COPS3: variants seen among roughly 807,000 people sequenced by gnomAD.
The protein encoded by COPS3 is COP9 signalosome subunit 3, also known as COP9 signalosome complex subunit 3.
COPS3 carries 10 observed loss-of-function variants against 58.2 expected under a neutral mutation model. The observed-to-expected ratio is 0.17, with a 90% CI of 0.11 to 0.29. The LOEUF (loss-of-function observed/expected upper bound fraction) is 0.29, where lower values mean the gene tolerates loss of function less well. COPS3 is among the 10% of genes least tolerant of loss of function. The pLI is 1.00. For synonymous variants in COPS3, 187 were observed against 181.7 expected (o/e 1.03, Z -0.24); for missense variants, 333 against 510.1 (o/e 0.65, Z 3.34).
intron 9 of COPS3, among the ~76,000 whole-genome samples, chr17:17,254,615 G>T (rs534845531): frequency 1.5e-3 from 234 of 151,772 alleles, no homozygotes; most frequent in African/African-American, 5.5e-3. Context: ...TTTGAGACCA[G>T]CCTGACCAAC....
chr17:17,265,164 C>G (rs2048192897), intron 5 of COPS3, among the ~76,000 whole-genome samples, 183 bp from the exon 6 acceptor site: 1 of 152,144 alleles, frequency 6.6e-6, no homozygotes. Flanking sequence ...CTTAGGACCA[C>G]AAGTGTTTCA....
intron 8 of COPS3, 21 bp from the exon 9 acceptor site, chr17:17,254,966 T>C (rs370124932): frequency 7.2e-6 from 11 of 1,522,848 alleles, no homozygotes; most frequent in Non-Finnish European, 9.1e-6. Flanking sequence ...GAAGCAGAAT[T>C]AGTCACAGGT....
chr17:17,253,392 A>G (rs1054963709), intron 9 of COPS3, among the ~76,000 whole-genome samples: 5 of 152,136 alleles, frequency 3.3e-5, no homozygotes, highest in Admixed American at 6.6e-5. Flanking sequence ...CAATACATCA[A>G]TGTGGTGGGT....
At chr17:17,254,759 A>T in intron 9 of COPS3, 100 bp downstream of exon 9, 1 of 698,546 alleles carries the variant, frequency 1.4e-6, no homozygotes, top group Non-Finnish European at 2.3e-6. Context: ...GCAGTGAGCC[A>T]AGACTGTGCC....
At chr17:17,280,671 A>T (rs1311777415) in intron 1 of COPS3, 8 of 1,306,088 alleles carry the variant, frequency 6.1e-6, no homozygotes, top group Middle Eastern at 3.1e-4. Flanking sequence ...GAGGCGAGCC[A>T]TAGAGCCAAG....
chr17:17,247,372 G>A, intron 11 of COPS3, 108 bp downstream of exon 11: 1 of 1,134,678 alleles, frequency 8.8e-7, no homozygotes, highest in Non-Finnish European at 1.3e-6. Flanking sequence ...TACTGGTAAG[G>A]TTTTCAAGAA....
chr17:17,274,662 A>G (rs970389323), intron 2 of COPS3, among the ~76,000 whole-genome samples: 2 of 151,598 alleles, frequency 1.3e-5, no homozygotes, highest in African/African-American at 4.8e-5. Flanking sequence ...TGAACTTGTG[A>G]TCCACCCGCC....
chr17:17,260,543 C>A, intron 7 of COPS3, 69 bp from the exon 8 acceptor site: 1 of 1,489,376 alleles, frequency 6.7e-7, no homozygotes. Flanking sequence ...GGGACTCACG[C>A]CTGTAATCTC....
intron 4 of COPS3, among the ~76,000 whole-genome samples, chr17:17,268,823 AAACAAC>A (rs144926116): frequency 8.8e-5 from 13 of 147,756 alleles, no homozygotes; most frequent in Admixed American, 2.7e-4. Context: ...CATCTCAAAA[AAACAAC>A]AACAACAACA....
intron 8 of COPS3, 138 bp downstream of exon 8, chr17:17,260,163 A>T: frequency 1.2e-6 from 1 of 852,764 alleles, no homozygotes; most frequent in East Asian, 2.5e-5. Flanking sequence ...GCCAATCACA[A>T]GAGAGTTCTC....
At chr17:17,280,119 T>C (rs577481289) in intron 1 of COPS3, among the ~76,000 whole-genome samples, 3 of 151,626 alleles carry the variant, frequency 2.0e-5, no homozygotes, top group South Asian at 4.2e-4. Flanking sequence ...TACGAAAAAA[T>C]TAGCCGCGTG....
chr17:17,263,387 G>A (rs2048149411), intron 6 of COPS3, among the ~76,000 whole-genome samples: 1 of 151,814 alleles, frequency 6.6e-6, no homozygotes, highest in African/African-American at 2.4e-5. Context: ...TTTTAGTAGA[G>A]ACATTTTCAC....
intron 8 of COPS3, among the ~76,000 whole-genome samples, chr17:17,260,025 C>T (rs2048058278): frequency 6.6e-6 from 1 of 152,208 alleles, no homozygotes; most frequent in African/African-American, 2.4e-5. Flanking sequence ...CTGCTGACCT[C>T]TCTGAGGCTG....
intron 5 of COPS3, 85 bp downstream of exon 5, chr17:17,267,800 T>C (rs2048261245): frequency 7.2e-7 from 1 of 1,381,684 alleles, no homozygotes; most frequent in South Asian, 1.3e-5. Flanking sequence ...CCAACTTGCC[T>C]GTGTTTATCA....
chr17:17,264,340 C>T (rs925620777), intron 6 of COPS3, among the ~76,000 whole-genome samples: 2 of 152,124 alleles, frequency 1.3e-5, no homozygotes, highest in African/African-American at 4.8e-5. Flanking sequence ...TGTTTCATTA[C>T]ACAGACACAG....
At chr17:17,249,085 A>G (rs779076700) in intron 9 of COPS3, 46 bp from the exon 10 acceptor site, 11 of 1,025,908 alleles carry the variant, frequency 1.1e-5, no homozygotes, top group African/African-American at 1.6e-5. Context: ...TTTAGACCTG[A>G]ATGCTATATG....
Position 17,261,928 on chromosome 17 carries a change from T to C in COPS3, c.762+38A>G, listed in dbSNP as rs756555950. On this transcript the variant is annotated intron_variant, in intron 7 of 11. Coordinates refer to ENST00000268717, the MANE Select transcript of COPS3 (RefSeq NM_003653.4). ...TTGCAATTTCTTTATATACTCAACA[T>C]GCTCACGTAAGAAATCAGTTTTATG... is the stretch of plus-strand genomic sequence containing the variant. 7 of 1,536,524 alleles carry C rather than the reference T, an allele frequency of 4.6e-6. No homozygotes were observed. In the South Asian group the frequency reaches 8.4e-5, roughly 18 times the overall value.
chr17:17,277,918 G>A (rs577949728), intron 1 of COPS3, among the ~76,000 whole-genome samples: 1 of 151,942 alleles, frequency 6.6e-6, no homozygotes, highest in Non-Finnish European at 1.5e-5. Context: ...CAGATATCTC[G>A]AGGTCAGGAG....
intron 9 of COPS3, among the ~76,000 whole-genome samples, chr17:17,249,545 T>C (rs2047795369): frequency 6.6e-6 from 1 of 151,980 alleles, no homozygotes; most frequent in African/African-American, 2.4e-5. Flanking sequence ...CAGGCTGGAG[T>C]GTAATGGCAC....
Sources: gnomAD v4.1 joint callset for allele counts (sites outside exome capture counted in the v4.1 genomes callset) on GRCh38, gnomAD v4.1.1 for gene constraint, MANE v1.5 for transcripts, NCBI Gene and HGNC (gene_info 2026-07-23, HGNC 2026-07-21) for gene names.